Variants in ZNF98 observed in about 807,000 individuals in gnomAD.
The protein encoded by ZNF98 is zinc finger protein 98.
ZNF98 carries 8 observed loss-of-function variants against 12.8 expected under a neutral mutation model. That is an observed-to-expected ratio of 0.63 (90% CI 0.37 to 1.13). The LOEUF is 1.13. ZNF98 is among the 50% of genes most tolerant of loss of function. The probability of loss-of-function intolerance (pLI) is 0.01; values close to 1 mark genes in which losing one functional copy is unlikely to be tolerated. For missense variants in ZNF98, 379 were observed against 666.1 expected (o/e 0.57, Z 4.74); for synonymous variants, 112 against 223.5 (o/e 0.50, Z 4.45).
At chr19:22,414,639 A>G (rs1215548518) in intron 1 of ZNF98, among the ~76,000 whole-genome samples, 1 of 152,188 alleles carries the variant, frequency 6.6e-6, no homozygotes, top group Non-Finnish European at 1.5e-5. Context: ...TCTGGAAAGA[A>G]TTCCCTATTT....
chr19:22,414,232 C>CAAAAAAAAAAAAAAAAAA (rs57966582), intron 1 of ZNF98, among the ~76,000 whole-genome samples: 1 of 89,392 alleles, frequency 1.1e-5, no homozygotes, highest in East Asian at 3.2e-4. Flanking sequence ...GACTCCATCT[C>CAAAAAAAAAAAAAAAAAA]AAAAAAAAAA....
In ZNF98 at chr19:22,392,609, G is replaced by C; in HGVS notation, c.626C>G (p.Pro209Arg). 4 of 1,606,276 alleles carry C rather than the reference G, an allele frequency of 2.5e-6. No individual in the cohort carries two copies. The highest frequency in any genetic ancestry group is 3.4e-6 in the Non-Finnish European group (4 of 1,175,898). ...QHKRIHSGEKPYKCKECGKAY... is the reference protein window; with the variant it reads ...QHKRIHSGEKRYKCKECGKAY... ...TTTCCCACATTCTTTACATTTGTAG[G>C]GTTTCTCTCCACTATGAATTCTTTT... The change falls in exon 4 of 4, where the codon CCC becomes CGC. Residue 209 changes from proline to arginine, a missense_variant. Physicochemically the swap from Pro to Arg is moderately radical, Grantham distance 103. Around this residue, in one of 8 missense-constraint regions of ZNF98, gnomAD observed 223 missense variants for 261.6 expected, o/e 0.85. Transcript: ENST00000357774.
chr19:22,405,613 C>T (rs1335131531), intron 1 of ZNF98, among the ~76,000 whole-genome samples: 2 of 152,164 alleles, frequency 1.3e-5, no homozygotes, highest in East Asian at 3.9e-4. Context: ...CACTCGTGAA[C>T]CCATGCCACA....
intron 3 of ZNF98, among the ~76,000 whole-genome samples, chr19:22,396,262 G>A (rs917461632): frequency 4.6e-5 from 7 of 151,994 alleles, no homozygotes; most frequent in African/African-American, 1.7e-4. Context: ...AAATTTCAGG[G>A]CAGATGTAAT....
intron 3 of ZNF98, among the ~76,000 whole-genome samples, chr19:22,399,962 T>G (rs1460066831): frequency 6.6e-6 from 1 of 152,164 alleles, no homozygotes; most frequent in Admixed American, 6.5e-5. Flanking sequence ...TTGAGATCTA[T>G]GGAGGGAGTT....
At chr19:22,394,739 C>G (rs1758876419) in intron 3 of ZNF98, among the ~76,000 whole-genome samples, 1 of 152,038 alleles carries the variant, frequency 6.6e-6, no homozygotes, top group Admixed American at 6.6e-5. Flanking sequence ...ACATGTATAC[C>G]TATGTAACAT....
At chr19:22,413,869 CAAAA>C (rs57148885) in intron 1 of ZNF98, among the ~76,000 whole-genome samples, 9 of 43,190 alleles carry the variant, frequency 2.1e-4, no homozygotes, top group African/African-American at 5.6e-4. Flanking sequence ...AACTCCGTCT[CAAAA>C]AAAAAAAAAA....
Position 22,391,645 on chromosome 19 carries a change from G to C in ZNF98, c.1590C>G (p.Ser530=). The C allele has an allele frequency of 1.2e-6, 2 of 1,613,826 alleles. No individual in the cohort carries two copies. The highest frequency in any genetic ancestry group is 1.7e-6 in the Non-Finnish European group (2 of 1,179,870). The change falls in exon 4 of 4, where the codon TCC becomes TCG. Residue 530 remains serine, a synonymous_variant. Coordinates refer to ENST00000357774, the MANE Select transcript of ZNF98 (RefSeq NM_001098626.2). ...CEECGKAFNN[S]SILNRHKMIH... ...TCATCTTATGTCTGTTAAGAATAGAGGAGTTGTTAAAGGCTTTGCCGCATT... is the reference window on the plus strand; with the variant it reads ...TCATCTTATGTCTGTTAAGAATAGACGAGTTGTTAAAGGCTTTGCCGCATT...
intron 1 of ZNF98, among the ~76,000 whole-genome samples, chr19:22,414,997 T>C (rs1012541088): frequency 2.0e-5 from 3 of 152,094 alleles, no homozygotes; most frequent in African/African-American, 7.2e-5. Flanking sequence ...AAAGGTCCAA[T>C]ATCCATAATT....
chr19:22,420,874 T>G (rs1443501894), intron 1 of ZNF98, among the ~76,000 whole-genome samples: 1 of 152,232 alleles, frequency 6.6e-6, no homozygotes, highest in Non-Finnish European at 1.5e-5. Flanking sequence ...GCACAGAGAC[T>G]TTTTACAATT....
chr19:22,415,849 C>T (rs1272741551), intron 1 of ZNF98, among the ~76,000 whole-genome samples: 9 of 150,592 alleles, frequency 6.0e-5, no homozygotes, highest in African/African-American at 2.2e-4. Context: ...AATCCCAGCA[C>T]TTTGGTAGGC....
At chr19:22,415,274 G>A (rs1293400290) in intron 1 of ZNF98, among the ~76,000 whole-genome samples, 1 of 152,132 alleles carries the variant, frequency 6.6e-6, no homozygotes, top group Admixed American at 6.6e-5. Context: ...GTGTAAATTA[G>A]TTCATTATAA....
chr19:22,412,806 A>T (rs1599389740), intron 1 of ZNF98, among the ~76,000 whole-genome samples: 1 of 152,246 alleles, frequency 6.6e-6, no homozygotes, highest in African/African-American at 2.4e-5. Context: ...TAATCCCAGC[A>T]CTTTGGGAGG....
intron 3 of ZNF98, among the ~76,000 whole-genome samples, chr19:22,400,693 G>A (rs568733836): frequency 2.7e-4 from 41 of 152,176 alleles, no homozygotes; most frequent in South Asian, 4.2e-4. Context: ...GGTGGCTCAC[G>A]CCTGTAATCC....
intron 2 of ZNF98, 114 bp downstream of exon 2, chr19:22,403,272 A>AAAC (rs1555704151): frequency 1.1e-5 from 10 of 945,400 alleles, no homozygotes; most frequent in Admixed American, 7.0e-5. Context: ...AAAAAAAAAC[A>AAAC]AAAAAAAAAA....
At chr19:22,393,623 G>A (rs1336261605) in intron 3 of ZNF98, among the ~76,000 whole-genome samples, 1 of 151,924 alleles carries the variant, frequency 6.6e-6, no homozygotes, top group Non-Finnish European at 1.5e-5. Flanking sequence ...GGGAAAACTG[G>A]CTAGCCATAT....
intron 1 of ZNF98, among the ~76,000 whole-genome samples, chr19:22,410,838 C>T (rs1406065551): frequency 2.0e-5 from 3 of 152,052 alleles, no homozygotes; most frequent in Non-Finnish European, 4.4e-5. Flanking sequence ...ATGTTGCTCC[C>T]CCTAGGCTCA....
At chr19:22,398,510 A>G (rs1969421837) in intron 3 of ZNF98, among the ~76,000 whole-genome samples, 1 of 151,532 alleles carries the variant, frequency 6.6e-6, no homozygotes, top group South Asian at 2.1e-4. Context: ...GGACCACTTC[A>G]CCATGTCTGG....
At chr19:22,393,052 T>A (rs1297773704) in intron 3 of ZNF98, 71 bp from the exon 4 acceptor site, 1 of 1,369,010 alleles carries the variant, frequency 7.3e-7, no homozygotes. Context: ...AAATCTAACC[T>A]ATAAAATTAT....
Sources: allele counts gnomAD v4.1 joint callset (sites outside exome capture counted in the v4.1 genomes callset), GRCh38; gene constraint gnomAD v4.1.1; regional missense constraint gnomAD v4.1.1; transcripts MANE v1.5; gene names NCBI Gene and HGNC (gene_info 2026-07-23, HGNC 2026-07-21).